LRP6: variants seen among roughly 807,000 people sequenced by gnomAD.
LRP6 encodes LDL receptor related protein 6.
Under a neutral mutation model 184.1 loss-of-function variants are expected in LRP6, and 43 were observed. That is an observed-to-expected ratio of 0.23 (90% CI 0.18 to 0.30). The LOEUF is 0.30. Among genes scored for constraint, LRP6 ranks in the 10% least tolerant of loss-of-function variants. The probability of loss-of-function intolerance (pLI) is 1.00; values close to 1 mark genes in which losing one functional copy is unlikely to be tolerated. For synonymous variants in LRP6, 719 were observed against 684.9 expected, an observed-to-expected ratio of 1.05 and a Z score of -0.78; for missense variants, 1,571 against 2,005.3, an observed-to-expected ratio of 0.78 and a Z score of 4.14.
intron 7 of LRP6, among the ~76,000 whole-genome samples, chr12:12,167,662 C>T (rs1038085888): frequency 5.3e-5 from 8 of 150,792 alleles, no homozygotes; most frequent in East Asian, 1.9e-4. Context: ...AAAGGGACAG[C>T]GCCACTGCCA....
At chr12:12,266,608 C>A in intron 1 of LRP6, 73 bp downstream of exon 1, 1 of 1,189,740 alleles carries the variant, frequency 8.4e-7, no homozygotes, top group Non-Finnish European at 1.2e-6. Flanking sequence ...TCCCTCCCCT[C>A]CCCCTAGACA....
intron 10 of LRP6, 144 bp from the exon 11 acceptor site, chr12:12,160,108 T>C (rs888372607): frequency 3.6e-5 from 23 of 633,568 alleles, no homozygotes; most frequent in Middle Eastern, 4.2e-4. Context: ...ACGGCTACAA[T>C]GCTTTCAATT....
At chr12:12,228,468 C>T (rs2135885818) in intron 2 of LRP6, among the ~76,000 whole-genome samples, 1 of 152,330 alleles carries the variant, frequency 6.6e-6, no homozygotes. Context: ...CAGAATGAGT[C>T]TTTAGTCTCA....
At chr12:12,126,465 T>C (rs759569618) in intron 20 of LRP6, among the ~76,000 whole-genome samples, 5 of 152,212 alleles carry the variant, frequency 3.3e-5, no homozygotes, top group Non-Finnish European at 7.3e-5. Flanking sequence ...AGAGCTTGCA[T>C]ATGTATTTGC....
At chr12:12,231,998 C>CA (rs374411032) in intron 2 of LRP6, among the ~76,000 whole-genome samples, 2,879 of 129,564 alleles carry the variant, frequency 0.022, 78 homozygotes, top group African/African-American at 0.072. Context: ...GACCCTGCCT[C>CA]AAAAAAAAAA....
intron 12 of LRP6, chr12:12,155,721 T>G: frequency 9.5e-7 from 1 of 1,049,952 alleles, no homozygotes; most frequent in Non-Finnish European, 1.5e-6. Context: ...TGAGAACCAG[T>G]GGGAAGGAGC....
chr12:12,151,926 A>G (rs1282666007), intron 12 of LRP6, among the ~76,000 whole-genome samples: 1 of 152,168 alleles, frequency 6.6e-6, no homozygotes, highest in East Asian at 1.9e-4. Flanking sequence ...TGGATTGCAG[A>G]TACTATTTTG....
intron 1 of LRP6, among the ~76,000 whole-genome samples, chr12:12,263,341 C>T (rs1382284901): frequency 3.3e-5 from 5 of 150,956 alleles, no homozygotes; most frequent in African/African-American, 9.8e-5. Flanking sequence ...TTTGGGAGGC[C>T]GAGGTGGGCG....
intron 12 of LRP6, among the ~76,000 whole-genome samples, chr12:12,154,051 A>G (rs941131420): frequency 6.6e-6 from 1 of 152,194 alleles, no homozygotes; most frequent in African/African-American, 2.4e-5. Context: ...CAGAGGAAAC[A>G]TCTTTTTCCA....
chr12:12,260,799 C>A (rs1591996062), intron 1 of LRP6, among the ~76,000 whole-genome samples: 1 of 152,346 alleles, frequency 6.6e-6, no homozygotes, highest in Non-Finnish European at 1.5e-5. Flanking sequence ...TGTTTAACAA[C>A]AAGCCATGTC....
chr12:12,137,443 C>T (rs1316929504), intron 16 of LRP6, among the ~76,000 whole-genome samples: 1 of 151,634 alleles, frequency 6.6e-6, no homozygotes, highest in Non-Finnish European at 1.5e-5. Context: ...TTCTTTTTTC[C>T]TGGGGCTCAT....
rs1002856625 is a variant in LRP6 at position 12,119,923 on chromosome 12, T to C, written c.*1203A>G. 6.8e-6 allele frequency: 1 copy of C among 146,602 alleles called. No individual in the cohort carries two copies. Among genetic ancestry groups the C allele is most frequent in the Non-Finnish European group, 1.5e-5 (1 of 66,936 alleles). The allele number at this position is 146,602 out of a possible 1,614,324, so 9.1% of individuals were successfully genotyped here. On this transcript the variant is annotated 3_prime_UTR_variant, in exon 23 of 23. Coordinates refer to ENST00000261349, the MANE Select transcript of LRP6 (RefSeq NM_002336.3). ...AAAATCCTAATAAGAAAAAAATCTTTTTAAATAGATTGTCTCTAACCAGAA... is the reference window on the plus strand; with the variant it reads ...AAAATCCTAATAAGAAAAAAATCTTCTTAAATAGATTGTCTCTAACCAGAA...
intron 2 of LRP6, among the ~76,000 whole-genome samples, chr12:12,226,136 G>A (rs190804697): frequency 6.6e-6 from 1 of 152,284 alleles, no homozygotes; most frequent in African/African-American, 2.4e-5. Flanking sequence ...CACTTGTGAA[G>A]CTCACAGCCC....
intron 12 of LRP6, among the ~76,000 whole-genome samples, chr12:12,154,158 C>T (rs1019063962): frequency 6.6e-6 from 1 of 152,198 alleles, no homozygotes; most frequent in African/African-American, 2.4e-5. Context: ...TCTTTATTCA[C>T]TTCATTCCAG....
chr12:12,242,561 C>T (rs1865093736), intron 2 of LRP6, among the ~76,000 whole-genome samples: 1 of 152,216 alleles, frequency 6.6e-6, no homozygotes, highest in South Asian at 2.1e-4. Context: ...GCCTTACAAA[C>T]TCTGTTAGCA....
At chr12:12,175,052 C>T (rs1358804858) in intron 7 of LRP6, among the ~76,000 whole-genome samples, 1 of 152,044 alleles carries the variant, frequency 6.6e-6, no homozygotes, top group East Asian at 1.9e-4. Context: ...AGTAGAAACT[C>T]AGAAATGAAA....
At chr12:12,171,617 G>A (rs1166448087) in intron 7 of LRP6, among the ~76,000 whole-genome samples, 1 of 152,084 alleles carries the variant, frequency 6.6e-6, no homozygotes, top group African/African-American at 2.4e-5. Flanking sequence ...GAATTATAAG[G>A]ATCCTCCGAA....
intron 4 of LRP6, 131 bp from the exon 5 acceptor site, chr12:12,184,242 C>T: frequency 4.1e-6 from 3 of 733,598 alleles, no homozygotes; most frequent in Non-Finnish European, 4.9e-6. Flanking sequence ...ACTATCAAAC[C>T]ATCTGCAAAG....
chr12:12,143,974 C>T (rs1949968487), intron 15 of LRP6, among the ~76,000 whole-genome samples: 1 of 152,088 alleles, frequency 6.6e-6, no homozygotes, highest in Non-Finnish European at 1.5e-5. Flanking sequence ...AATTTCTCAT[C>T]CCTCAACTCC....
Sources: allele counts gnomAD v4.1 joint callset (sites outside exome capture counted in the v4.1 genomes callset), GRCh38; gene constraint gnomAD v4.1.1; transcripts MANE v1.5; gene names NCBI Gene and HGNC (gene_info 2026-07-23, HGNC 2026-07-21).